PDE4D: variants seen among roughly 807,000 people sequenced by gnomAD.
PDE4D encodes phosphodiesterase 4D.
PDE4D carries 24 observed loss-of-function variants against 87.4 expected under a neutral mutation model. The ratio of observed to expected loss-of-function variants is 0.27; its 90% CI spans 0.20 to 0.39. The LOEUF (loss-of-function observed/expected upper bound fraction) is 0.39. PDE4D is among the 10% of genes least tolerant of loss of function. The probability of loss-of-function intolerance (pLI) is 1.00; values close to 1 mark genes in which losing one functional copy is unlikely to be tolerated. For synonymous variants in PDE4D, 384 were observed against 383.2 expected (o/e 1.00, Z -0.02); for missense variants, 714 against 1,041.0 (o/e 0.69, Z 4.32).
At chr5:59,647,196 A>G (rs1469061360) in intron 1 of PDE4D, among the ~76,000 whole-genome samples, 4 of 152,200 alleles carry the variant, frequency 2.6e-5, no homozygotes, top group African/African-American at 9.7e-5. Context: ...CACAAATCAC[A>G]CATGACAAAG....
chr5:60,428,391 G>C (rs1743902503), intron 1 of PDE4D, among the ~76,000 whole-genome samples: 1 of 151,388 alleles, frequency 6.6e-6, no homozygotes. Context: ...ACAAAAAACA[G>C]AAGAGATAAT....
chr5:59,610,526 C>T (rs534388971), intron 1 of PDE4D, among the ~76,000 whole-genome samples: 6 of 152,264 alleles, frequency 3.9e-5, no homozygotes, highest in Middle Eastern at 3.4e-3. Flanking sequence ...TTAATCTATT[C>T]TCAACTGCCA....
chr5:59,617,199 G>C (rs1348189981), intron 1 of PDE4D, among the ~76,000 whole-genome samples: 2 of 151,768 alleles, frequency 1.3e-5, no homozygotes, highest in African/African-American at 2.4e-5. Flanking sequence ...TGCTGTGGTG[G>C]AGGAGCTCCA....
chr5:59,797,542 C>T (rs1364398242), intron 1 of PDE4D, among the ~76,000 whole-genome samples: 1 of 152,154 alleles, frequency 6.6e-6, no homozygotes, highest in African/African-American at 2.4e-5. Flanking sequence ...CCTGTCCGTT[C>T]TTGAGGATCA....
intron 1 of PDE4D, among the ~76,000 whole-genome samples, chr5:59,573,533 A>C (rs1011991290): frequency 3.9e-5 from 6 of 151,956 alleles, no homozygotes; most frequent in Non-Finnish European, 8.8e-5. Flanking sequence ...AATTTTCCTC[A>C]TCCTGTCCTC....
intron 1 of PDE4D, among the ~76,000 whole-genome samples, chr5:60,477,093 T>C (rs938719757): frequency 1.7e-4 from 26 of 152,080 alleles, no homozygotes; most frequent in African/African-American, 5.8e-4. Flanking sequence ...CTATGACATG[T>C]AGAATAGGCA....
intron 2 of PDE4D, among the ~76,000 whole-genome samples, chr5:59,989,792 C>T (rs1949016): frequency 0.63 from 95,363 of 152,036 alleles, 32,648 homozygotes; most frequent in East Asian, 0.92. Context: ...TATCCACATA[C>T]TGAGAATTAT....
chr5:59,140,477 T>A (rs1777730421), intron 5 of PDE4D, among the ~76,000 whole-genome samples: 1 of 152,324 alleles, frequency 6.6e-6, no homozygotes, highest in Non-Finnish European at 1.5e-5. Context: ...ACGGTCATTA[T>A]AATGCCTCTT....
intron 2 of PDE4D, among the ~76,000 whole-genome samples, chr5:60,059,038 A>AT (rs1413944284): frequency 2.0e-5 from 1 of 49,296 alleles, no homozygotes. Context: ...TGGCATTGTC[A>AT]TATGTGTGTG....
intron 1 of PDE4D, among the ~76,000 whole-genome samples, chr5:59,224,293 T>TACACACACACACAC (rs35273659): frequency 2.2e-4 from 30 of 135,484 alleles, no homozygotes; most frequent in African/African-American, 3.2e-4. Flanking sequence ...CACACACACA[T>TACACACACACACAC]ACACACACAC....
intron 3 of PDE4D, among the ~76,000 whole-genome samples, chr5:59,933,418 A>AT (rs1228324849): frequency 6.6e-6 from 1 of 152,198 alleles, no homozygotes; most frequent in African/African-American, 2.4e-5. Context: ...CCTACAGTGA[A>AT]ACACTATACT....
intron 1 of PDE4D, among the ~76,000 whole-genome samples, chr5:59,507,679 A>AAAAAAAAAAAAAAAAAAAAAGAAAAG (rs61334148): frequency 5.9e-5 from 7 of 118,710 alleles, no homozygotes; most frequent in African/African-American, 2.5e-4. Context: ...AAAAAAAAAA[A>AAAAAAAAAAAAAAAAAAAAAGAAAAG]AAAAGAAAAG....
chr5:59,360,131 T>C (rs1261930242), intron 1 of PDE4D, among the ~76,000 whole-genome samples: 1 of 152,218 alleles, frequency 6.6e-6, no homozygotes, highest in Non-Finnish European at 1.5e-5. Context: ...ATTTCCTTTA[T>C]AGGAGATAGC....
At chr5:60,092,093 T>C (rs1321959033) in intron 2 of PDE4D, among the ~76,000 whole-genome samples, 2 of 133,398 alleles carry the variant, frequency 1.5e-5, no homozygotes, top group Non-Finnish European at 1.6e-5. Context: ...ATGTGAAATA[T>C]ATACACAATA....
intron 2 of PDE4D, among the ~76,000 whole-genome samples, chr5:60,123,989 T>C (rs1306070452): frequency 3.9e-5 from 6 of 152,146 alleles, no homozygotes; most frequent in Non-Finnish European, 7.4e-5. Context: ...CCAGTACAAA[T>C]GGTCGCATTT....
chr5:59,676,394 T>C (rs1748085010), intron 1 of PDE4D, among the ~76,000 whole-genome samples: 1 of 152,196 alleles, frequency 6.6e-6, no homozygotes, highest in African/African-American at 2.4e-5. Flanking sequence ...TTTCATTCAG[T>C]CAATAGATAT....
chr5:60,397,886 A>G (rs932987443), intron 1 of PDE4D, among the ~76,000 whole-genome samples: 4 of 152,198 alleles, frequency 2.6e-5, no homozygotes, highest in South Asian at 2.1e-4. Context: ...ATTATAGGCA[A>G]TAACTTACCC....
At chr5:60,382,333 A>C (rs1366668120) in intron 1 of PDE4D, among the ~76,000 whole-genome samples, 6 of 152,136 alleles carry the variant, frequency 3.9e-5, no homozygotes, top group Admixed American at 3.9e-4. Context: ...GCTACCCCAA[A>C]AATTAGGGTC....
At chr5:59,507,679 A>AAAAG (rs56226964) in intron 1 of PDE4D, among the ~76,000 whole-genome samples, 16,998 of 114,988 alleles carry the variant, frequency 0.15, 1,407 homozygotes, top group Non-Finnish European at 0.21. Flanking sequence ...AAAAAAAAAA[A>AAAAG]AAAAGAAAAG....
Sources: allele counts gnomAD v4.1 joint callset (sites outside exome capture counted in the v4.1 genomes callset), GRCh38; gene constraint gnomAD v4.1.1; transcripts MANE v1.5; gene names NCBI Gene and HGNC (gene_info 2026-07-23, HGNC 2026-07-21).